FMN1: variants seen among roughly 807,000 people sequenced by gnomAD.
FMN1 encodes formin 1.
A neutral mutation model predicts 132.4 loss-of-function variants in FMN1; 110 were observed. That is an observed-to-expected ratio of 0.83 (90% confidence interval 0.71 to 0.97). The LOEUF is 0.97. FMN1 is among the 50% of genes least tolerant of loss of function. The pLI is 0.00. For missense variants in FMN1, 1,792 were observed against 1,705.3 expected, an observed-to-expected ratio of 1.05 and a Z score of -0.90; for synonymous variants, 722 against 651.7, an observed-to-expected ratio of 1.11 and a Z score of -1.64.
At chr15:32,793,828 G>A (rs1252600769) in intron 19 of FMN1, among the ~76,000 whole-genome samples, 2 of 152,192 alleles carry the variant, frequency 1.3e-5, no homozygotes, top group Non-Finnish European at 2.9e-5. Flanking sequence ...ACAAGTTACT[G>A]AAATTATCAT....
intron 7 of FMN1, among the ~76,000 whole-genome samples, chr15:32,988,345 A>G (rs1319118951): frequency 6.6e-6 from 1 of 152,196 alleles, no homozygotes; most frequent in Non-Finnish European, 1.5e-5. Flanking sequence ...TTTGAAATTG[A>G]GCAAAGTATT....
chr15:33,152,958 TTAA>T (rs1595572347), intron 4 of FMN1, 87 bp downstream of exon 4: 2 of 1,328,466 alleles, frequency 1.5e-6, no homozygotes, highest in East Asian at 5.1e-5. Flanking sequence ...TGGTCCATTG[TTAA>T]TCAGTCAGTT....
intron 19 of FMN1, among the ~76,000 whole-genome samples, chr15:32,784,257 C>T (rs564781360): frequency 1.3e-5 from 2 of 152,198 alleles, no homozygotes; most frequent in South Asian, 4.2e-4. Context: ...GGAGAAGAGG[C>T]AGAATTAGGG....
intron 4 of FMN1, among the ~76,000 whole-genome samples, chr15:33,110,554 A>G (rs1049546493): frequency 1.3e-5 from 2 of 152,066 alleles, no homozygotes; most frequent in Non-Finnish European, 2.9e-5. Context: ...TTAACCAAGG[A>G]GAGCATTTTT....
At chr15:33,001,993 T>TG (rs2034147271) in intron 7 of FMN1, among the ~76,000 whole-genome samples, 2 of 152,220 alleles carry the variant, frequency 1.3e-5, no homozygotes, top group Middle Eastern at 3.4e-3. Context: ...ATTTTGCTGG[T>TG]GGGGGAAACT....
At chr15:32,914,591 T>C (rs747218027) in intron 10 of FMN1, among the ~76,000 whole-genome samples, 38 of 152,116 alleles carry the variant, frequency 2.5e-4, no homozygotes, top group Non-Finnish European at 5.1e-4. Flanking sequence ...AGGAGTAAAT[T>C]GGACAAAATT....
intron 10 of FMN1, among the ~76,000 whole-genome samples, chr15:32,921,156 G>A (rs1159314948): frequency 6.6e-6 from 1 of 152,170 alleles, no homozygotes; most frequent in Admixed American, 6.5e-5. Context: ...ACCTGTATTA[G>A]GGTGGGAGGA....
At position 33,194,045 on chromosome 15, in the gene FMN1, T is replaced by C. The variant is rs1431927731; in HGVS notation, c.-333A>G. 1.3e-5 allele frequency: 2 copies of C among 151,944 alleles called. No individual in the cohort carries two copies. Among genetic ancestry groups the C allele is most frequent in the Non-Finnish European group, 2.9e-5 (2 of 68,052 alleles). The allele number at this position is 151,944 out of a possible 1,614,324, so 9.4% of individuals were successfully genotyped here. A position where few individuals can be genotyped will look rare whatever the true frequency, so the allele number is the denominator to read the frequency against. On this transcript the variant is annotated 5_prime_UTR_variant, in exon 2 of 21. Transcript: ENST00000616417. The stretch of plus-strand genomic sequence containing the variant: ...TGATGATGAAAGAAGAAGAAAACGG[T>C]GATGGTAAATGTCATCTATAAACAC...
intron 4 of FMN1, among the ~76,000 whole-genome samples, chr15:33,125,489 T>C (rs1201844816): frequency 6.6e-6 from 1 of 152,094 alleles, no homozygotes; most frequent in African/African-American, 2.4e-5. Flanking sequence ...AAATTAGTTA[T>C]GTCTGGTCTT....
In FMN1 at chr15:33,012,147, G is replaced by A. The variant is rs187105835; in HGVS notation, c.2162-4072C>T. The A allele has an allele frequency of 1.2e-4, 61 of 506,032 alleles. No individual in the cohort carries two copies. The East Asian group carries it at 2.4e-3, about 20-fold the overall frequency. 31.3% of individuals were successfully genotyped at this position (506,032 alleles called of 1,614,324 possible). On this transcript the variant is annotated intron_variant, in intron 6 of 20. Coordinates refer to ENST00000616417, the MANE Select transcript of FMN1 (RefSeq NM_001277313.2). ...TCTGCACATCAGAGTCCCTCAAAGG[G>A]CCTGAACAGCTGTGGAAGCTCCTCA...
chr15:32,940,848 G>A (rs752020132), intron 9 of FMN1, among the ~76,000 whole-genome samples: 19 of 152,092 alleles, frequency 1.2e-4, no homozygotes, highest in Admixed American at 3.3e-4. Flanking sequence ...AGGTTCTTCC[G>A]GGCATTAAGA....
At chr15:32,848,391 C>A (rs942155613) in intron 17 of FMN1, among the ~76,000 whole-genome samples, 1 of 152,148 alleles carries the variant, frequency 6.6e-6, no homozygotes, top group Non-Finnish European at 1.5e-5. Context: ...GCTCTCAATG[C>A]CTTTAAACAT....
intron 9 of FMN1, among the ~76,000 whole-genome samples, chr15:32,962,933 G>A (rs2030749643): frequency 1.4e-5 from 2 of 141,930 alleles, no homozygotes; most frequent in African/African-American, 5.6e-5. Context: ...AAGTCAGTGT[G>A]GCGATTCCTC....
intron 8 of FMN1, among the ~76,000 whole-genome samples, chr15:32,967,473 T>C (rs1253664514): frequency 6.6e-6 from 1 of 152,204 alleles, no homozygotes; most frequent in Admixed American, 6.5e-5. Flanking sequence ...TCAAAATAAA[T>C]ATTCTGGGAA....
At chr15:33,033,239 C>T (rs945640368) in intron 6 of FMN1, among the ~76,000 whole-genome samples, 3 of 152,092 alleles carry the variant, frequency 2.0e-5, no homozygotes, top group African/African-American at 4.8e-5. Flanking sequence ...ACCGTGTTAG[C>T]CAGGATAGTC....
intron 9 of FMN1, among the ~76,000 whole-genome samples, chr15:32,944,841 A>G (rs535271409): frequency 9.2e-5 from 14 of 152,224 alleles, no homozygotes; most frequent in African/African-American, 3.1e-4. Context: ...AATGTAGAAG[A>G]CAAACCCCCA....
chr15:32,955,855 TGA>T (rs2061755874), intron 9 of FMN1, among the ~76,000 whole-genome samples: 1 of 151,992 alleles, frequency 6.6e-6, no homozygotes, highest in South Asian at 2.1e-4. Flanking sequence ...GTGTGTGTGG[TGA>T]GAAAGGAATT....
At chr15:32,890,078 CG>C (rs1567334603) in intron 15 of FMN1, among the ~76,000 whole-genome samples, 1 of 152,142 alleles carries the variant, frequency 6.6e-6, no homozygotes, top group African/African-American at 2.4e-5. Flanking sequence ...CAATCTCATC[CG>C]GGTCGCCGAA....
intron 13 of FMN1, among the ~76,000 whole-genome samples, chr15:32,900,432 A>C (rs1005766627): frequency 6.6e-6 from 1 of 152,236 alleles, no homozygotes; most frequent in Non-Finnish European, 1.5e-5. Context: ...TTTAAAGTAG[A>C]AGTTGTAAAA....
Sources: allele counts gnomAD v4.1 joint callset (sites outside exome capture counted in the v4.1 genomes callset), GRCh38; gene constraint gnomAD v4.1.1; transcripts MANE v1.5; gene names NCBI Gene and HGNC (gene_info 2026-07-23, HGNC 2026-07-21).